The following ASCC3 variants were observed in gnomAD, a reference collection of about 807,000 sequenced individuals.
The protein encoded by ASCC3 is activating signal cointegrator 1 complex subunit 3, also known as ASC-1 complex subunit P200.
In ASCC3, 158 loss-of-function variants were observed where a neutral mutation model predicts 256.3. The ratio of observed to expected loss-of-function variants is 0.62; its 90% confidence interval spans 0.54 to 0.70. The LOEUF (loss-of-function observed/expected upper bound fraction) is 0.70, where lower values mean the gene tolerates loss of function less well. Among genes scored for constraint, ASCC3 ranks in the 30% least tolerant of loss-of-function variants. ASCC3 has a pLI of 0.00. For missense variants in ASCC3, 2,259 were observed against 2,626.0 expected, an observed-to-expected ratio of 0.86 and a Z score of 3.05; for synonymous variants, 948 against 883.4, an observed-to-expected ratio of 1.07 and a Z score of -1.30.
intron 4 of ASCC3, among the ~76,000 whole-genome samples, chr6:100,833,149 T>C (rs899335855): frequency 2.0e-5 from 3 of 151,986 alleles, no homozygotes; most frequent in Admixed American, 1.3e-4. Context: ...TGTCAAGCCA[T>C]GAAAATACAT....
intron 37 of ASCC3, among the ~76,000 whole-genome samples, chr6:100,539,102 C>A (rs938850479): frequency 6.6e-6 from 1 of 152,024 alleles, no homozygotes; most frequent in Non-Finnish European, 1.5e-5. Context: ...TGTTAGTTCT[C>A]CTTAGAAAAA....
At chr6:100,738,486 C>T (rs1220494374) in intron 10 of ASCC3, among the ~76,000 whole-genome samples, 1 of 152,118 alleles carries the variant, frequency 6.6e-6, no homozygotes, top group East Asian at 1.9e-4. Context: ...CCTTTCCCCA[C>T]TGCTTGGTTT....
intron 3 of ASCC3, among the ~76,000 whole-genome samples, chr6:100,862,223 A>C (rs955105341): frequency 2.0e-5 from 3 of 152,182 alleles, no homozygotes; most frequent in African/African-American, 7.2e-5. Context: ...TTCTATGCCA[A>C]ATGCCATTAC....
At chr6:100,829,714 G>A (rs971524179) in intron 4 of ASCC3, among the ~76,000 whole-genome samples, 1 of 152,164 alleles carries the variant, frequency 6.6e-6, no homozygotes, top group Admixed American at 6.5e-5. Context: ...TGCCAAGAGC[G>A]AGCGAGGGCT....
chr6:100,721,339 G>A (rs1383547602), intron 11 of ASCC3, among the ~76,000 whole-genome samples: 1 of 151,750 alleles, frequency 6.6e-6, no homozygotes, highest in African/African-American at 2.4e-5. Context: ...GTGGTGTATG[G>A]ATTGTAATAG....
chr6:100,869,554 T>C (rs780069070), intron 1 of ASCC3, among the ~76,000 whole-genome samples: 3 of 152,094 alleles, frequency 2.0e-5, no homozygotes, highest in East Asian at 1.9e-4. Context: ...AATCAACAGA[T>C]GGGTTAAGCA....
chr6:100,560,792 C>T (rs981058393), intron 36 of ASCC3, among the ~76,000 whole-genome samples: 2 of 149,830 alleles, frequency 1.3e-5, no homozygotes, highest in African/African-American at 2.5e-5. Flanking sequence ...CACACACACA[C>T]GCACACATAA....
chr6:100,767,210 G>C lies in ASCC3; in HGVS notation c.1531C>G (p.Leu511Val). ...TGGCGAATTTCATGCAAGACTGTCA[G>C]CATTGCAATGTTGGTTTTTCCAGCT... Reference protein sequence around the residue: ...TGAGKTNIAMLTVLHEIRQHF... With the variant: ...TGAGKTNIAMVTVLHEIRQHF... Residue 511 changes from leucine to valine, a missense_variant, in exon 9 of 42, where the codon CTG (leucine) becomes GTG (valine). Physicochemically the swap from Leu to Val is conservative, Grantham distance 32 (BLOSUM62 1). Coordinates refer to ENST00000369162, the MANE Select transcript of ASCC3 (RefSeq NM_006828.4). The C allele has an allele frequency of 6.2e-7, 1 of 1,614,082 alleles. No homozygotes were observed. The highest frequency in any genetic ancestry group is 8.5e-7 in the Non-Finnish European group (1 of 1,179,996).
intron 4 of ASCC3, among the ~76,000 whole-genome samples, chr6:100,826,932 ATAAAAT>A (rs1771343444): frequency 6.6e-6 from 1 of 152,226 alleles, no homozygotes; most frequent in Admixed American, 6.5e-5. Context: ...TTAAAATTAA[ATAAAAT>A]TTAAAATACA....
At chr6:100,615,380 T>C (rs1007103140) in intron 30 of ASCC3, among the ~76,000 whole-genome samples, 6 of 152,098 alleles carry the variant, frequency 3.9e-5, no homozygotes, top group African/African-American at 1.4e-4. Flanking sequence ...TGTCACTGAT[T>C]CCAATTACTG....
At chr6:100,704,533 T>C (rs540827252) in intron 13 of ASCC3, among the ~76,000 whole-genome samples, 52 of 152,126 alleles carry the variant, frequency 3.4e-4, no homozygotes, top group Non-Finnish European at 6.2e-4. Flanking sequence ...TTAATTTACA[T>C]AATTAAACTA....
At chr6:100,632,164 T>C (rs1774582176) in intron 25 of ASCC3, among the ~76,000 whole-genome samples, 1 of 127,078 alleles carries the variant, frequency 7.9e-6, no homozygotes, top group South Asian at 2.4e-4. Flanking sequence ...GTAGAATATA[T>C]ACTGTTAGCA....
intron 36 of ASCC3, among the ~76,000 whole-genome samples, chr6:100,589,333 T>G (rs187700464): frequency 3.9e-4 from 60 of 152,270 alleles, no homozygotes; most frequent in Admixed American, 3.6e-3. Context: ...AAAGAGGCTA[T>G]TATATTTAAG....
intron 8 of ASCC3, among the ~76,000 whole-genome samples, chr6:100,796,201 T>G (rs1203242296): frequency 2.0e-5 from 3 of 152,198 alleles, no homozygotes; most frequent in Non-Finnish European, 4.4e-5. Context: ...CACCAAATGC[T>G]GGTTAGTATG....
chr6:100,659,880 T>A (rs544642544), intron 16 of ASCC3, among the ~76,000 whole-genome samples: 10 of 151,848 alleles, frequency 6.6e-5, no homozygotes, highest in Non-Finnish European at 1.5e-4. Context: ...TACGTTAATC[T>A]TTCTTTCACC....
chr6:100,849,378 A>C (rs551223875), intron 3 of ASCC3, among the ~76,000 whole-genome samples: 1 of 152,194 alleles, frequency 6.6e-6, no homozygotes. Context: ...TAAGGTACAG[A>C]AAACAATCTG....
chr6:100,780,198 C>T (rs1482882739), intron 8 of ASCC3, among the ~76,000 whole-genome samples: 2 of 152,104 alleles, frequency 1.3e-5, no homozygotes, highest in South Asian at 4.1e-4. Flanking sequence ...GTATGTTACA[C>T]TTAAAGCACA....
intron 30 of ASCC3, among the ~76,000 whole-genome samples, chr6:100,623,728 A>G (rs1019370477): frequency 1.3e-5 from 2 of 152,152 alleles, no homozygotes; most frequent in East Asian, 1.9e-4. Context: ...TCAAAACTGG[A>G]AAAGTGTAAG....
At chr6:100,600,434 A>T (rs1375150919) in intron 34 of ASCC3, among the ~76,000 whole-genome samples, 3 of 152,104 alleles carry the variant, frequency 2.0e-5, no homozygotes, top group African/African-American at 7.2e-5. Context: ...ACTGTGGTAA[A>T]TGTGCAGTTC....
Sources: allele counts gnomAD v4.1 joint callset (sites outside exome capture counted in the v4.1 genomes callset), GRCh38; gene constraint gnomAD v4.1.1; transcripts MANE v1.5; gene names NCBI Gene and HGNC (gene_info 2026-07-23, HGNC 2026-07-21).